Variants in PRDM16 observed in about 807,000 individuals in gnomAD.
PRDM16 encodes the protein PR/SET domain 16.
Under a neutral mutation model 110.6 loss-of-function variants are expected in PRDM16, and 23 were observed. The ratio of observed to expected loss-of-function variants is 0.21; its 90% confidence interval spans 0.15 to 0.29. The LOEUF is 0.29. Among genes scored for constraint, PRDM16 ranks in the 10% least tolerant of loss-of-function variants. PRDM16 has a pLI of 1.00. For missense variants in PRDM16, 1,615 were observed against 1,794.3 expected (o/e 0.90, Z 1.81); for synonymous variants, 799 against 781.8 (o/e 1.02, Z -0.37).
chr1:3,232,415 T>C (rs1639437261), intron 2 of PRDM16, among the ~76,000 whole-genome samples: 1 of 152,236 alleles, frequency 6.6e-6, no homozygotes, highest in Non-Finnish European at 1.5e-5. Flanking sequence ...TTAAATAGGA[T>C]GATGCAGTGA....
At chr1:3,227,218 G>A (rs1179818186) in intron 2 of PRDM16, among the ~76,000 whole-genome samples, 1 of 152,242 alleles carries the variant, frequency 6.6e-6, no homozygotes, top group East Asian at 1.9e-4. Flanking sequence ...GCCCGGCGAG[G>A]ACCTGCAGCT....
At chr1:3,336,625 T>G (rs146369256) in intron 3 of PRDM16, among the ~76,000 whole-genome samples, 35 of 151,638 alleles carry the variant, frequency 2.3e-4, no homozygotes, top group Non-Finnish European at 3.1e-4. Context: ...TGTGAGTGCA[T>G]GCATGCACAT....
chr1:3,295,648 A>G (rs1323580103), intron 3 of PRDM16, among the ~76,000 whole-genome samples: 3 of 152,198 alleles, frequency 2.0e-5, no homozygotes, highest in Non-Finnish European at 4.4e-5. Context: ...CTTGACCGCC[A>G]GGCTCTGAGG....
intron 3 of PRDM16, among the ~76,000 whole-genome samples, chr1:3,366,201 A>G (rs1459119951): frequency 1.3e-5 from 2 of 152,214 alleles, no homozygotes; most frequent in Admixed American, 6.5e-5. Context: ...TCCGGCTGGA[A>G]TGAATTCTTT....
chr1:3,239,835 A>C (rs1639619763), intron 2 of PRDM16, among the ~76,000 whole-genome samples: 1 of 151,844 alleles, frequency 6.6e-6, no homozygotes, highest in African/African-American at 2.4e-5. Context: ...CTCTAATCCT[A>C]GCTATTTGGG....
intron 1 of PRDM16, among the ~76,000 whole-genome samples, chr1:3,114,189 A>G (rs6691894): frequency 0.085 from 7,351 of 86,188 alleles, 197 homozygotes; most frequent in African/African-American, 0.14. Flanking sequence ...ACACACGCAC[A>G]CACGCACACG....
At chr1:3,333,524 G>A (rs1028834368) in intron 3 of PRDM16, among the ~76,000 whole-genome samples, 6 of 152,172 alleles carry the variant, frequency 3.9e-5, no homozygotes, top group Non-Finnish European at 7.3e-5. Context: ...AGAGCAGCAC[G>A]GTGAGGGAGG....
chr1:3,274,594 G>A (rs1640540084), intron 3 of PRDM16, among the ~76,000 whole-genome samples: 1 of 152,220 alleles, frequency 6.6e-6, no homozygotes. Context: ...ACTTTTGATA[G>A]TCAAACAATA....
At chr1:3,257,127 G>A (rs1037656100) in intron 3 of PRDM16, among the ~76,000 whole-genome samples, 5 of 152,228 alleles carry the variant, frequency 3.3e-5, no homozygotes, top group Non-Finnish European at 5.9e-5. Flanking sequence ...GGCGAAGGTA[G>A]TCAATGAACA....
At chr1:3,077,042 G>A (rs1483510192) in intron 1 of PRDM16, among the ~76,000 whole-genome samples, 1 of 152,196 alleles carries the variant, frequency 6.6e-6, no homozygotes, top group Non-Finnish European at 1.5e-5. Context: ...CCCCATTGAA[G>A]TGACCCCCAC....
In PRDM16 at chr1:3,409,105, G is replaced by A. The variant is rs112870823; in HGVS notation, c.1187-2279G>A. On this transcript the variant is annotated intron_variant, in intron 8 of 16. Transcript: ENST00000270722. Reference sequence around the variant, plus strand: ...AGTGTGGGCGCGTGTCTGTGAGTGCGAGTGTGGGCGTGTGAGTTGATGCAT... The same window carrying A: ...AGTGTGGGCGCGTGTCTGTGAGTGCAAGTGTGGGCGTGTGAGTTGATGCAT... 1.4e-3 allele frequency among the ~76,000 whole-genome samples: 214 copies of A among 151,596 alleles called. 2 individuals are homozygous for A. Among genetic ancestry groups the A allele is most frequent in the African/African-American group, 5.0e-3 (206 of 41,304 alleles).
In PRDM16 at chr1:3,411,707, C is replaced by A. The variant is rs1399965437; in HGVS notation, c.1510C>A (p.Pro504Thr). 1.2e-6 allele frequency: 2 copies of A among 1,610,420 alleles called. No individual in the cohort carries two copies. The highest frequency in any genetic ancestry group is 3.3e-5 in the Admixed American group (2 of 59,834). ...GGGGAGCCTGCCCTTCTCCACGGCG[C>A]CTCCCACGTTCCCCGCACTCACCCC... The part of the protein sequence containing the change: ...HPGSLPFSTA[P>T]PTFPALTPGF... Residue 504 changes from proline to threonine, a missense_variant, in exon 9 of 17, where the codon CCT (proline) becomes ACT (threonine). Pro to Thr is a conservative substitution (Grantham distance 38, BLOSUM62 -1). Around this residue, in one of 5 missense-constraint regions of PRDM16, gnomAD observed 772 missense variants for 748.3 expected, o/e 1.03. Transcript: ENST00000270722.
rs1050490514 is a variant in PRDM16, at chr1:3,358,958, C to T, written c.439-26194C>T. ...AGGAATCAGAGGGGGAAAGCACAGCCGCTGTGGCTCATGTTGTCATCTTGG... is the reference window on the plus strand; with the variant it reads ...AGGAATCAGAGGGGGAAAGCACAGCTGCTGTGGCTCATGTTGTCATCTTGG... On this transcript the variant is annotated intron_variant, in intron 3 of 16. Transcript: ENST00000270722. This position sits in a 1 kb window ranked among gnomAD's most constrained non-coding sequence, Gnocchi z 4.0. Among the ~76,000 whole-genome samples the T allele has an allele frequency of 2.0e-5, 3 of 152,212 alleles. No individual in the cohort carries two copies. Among genetic ancestry groups the T allele is most frequent in the Non-Finnish European group, 2.9e-5 (2 of 68,050 alleles).
chr1:3,371,390 C>G (rs1642905703), intron 3 of PRDM16, among the ~76,000 whole-genome samples: 1 of 151,354 alleles, frequency 6.6e-6, no homozygotes, highest in Non-Finnish European at 1.5e-5. Flanking sequence ...ATCCATTCAC[C>G]CACCCATGCA....
At chr1:3,427,118 ACAG>A (rs1222417603) in intron 14 of PRDM16, among the ~76,000 whole-genome samples, 1 of 152,256 alleles carries the variant, frequency 6.6e-6, no homozygotes, top group Non-Finnish European at 1.5e-5. Flanking sequence ...GTCTAGACAC[ACAG>A]CAGCAGAACG....
rs1569694547 is a variant in PRDM16 at position 3,402,991 on chromosome 1, A to C, written c.877A>C (p.Lys293Gln). 2 of 1,602,908 alleles carry C rather than the reference A, an allele frequency of 1.2e-6. No homozygotes were observed. Among genetic ancestry groups the C allele is most frequent in the East Asian group, 4.5e-5 (2 of 44,692 alleles). Residue 293 changes from lysine (K) to glutamine (Q), a missense_variant, in exon 6 of 17, where the codon AAG (lysine) becomes CAG (glutamine). Lys to Gln is a moderately conservative substitution (Grantham distance 53). Coordinates refer to ENST00000270722, the MANE Select transcript of PRDM16 (RefSeq NM_022114.4). ...GGACTGCGAGCGGATGTTCCCCAAC[A>C]AGTACAGGTGCCACGCCCTCCTCTG... ...CKDCERMFPN[K>Q]YSLEQHMVIH...
In PRDM16 at chr1:3,385,204, G is replaced by A. The variant is rs1557645404; in HGVS notation, c.491G>A (p.Gly164Glu). 2 of 1,613,756 alleles carry A rather than the reference G, an allele frequency of 1.2e-6. No individual in the cohort carries two copies. The highest frequency in any genetic ancestry group is 1.7e-5 in the Admixed American group (1 of 60,034). ...TTCTGCGTGGATGCAAATCAGGCGG[G>A]GGCTGGCAGCTGGCTCAAGTACATC... ...EKFCVDANQA[G>E]AGSWLKYIRV... The change falls in exon 4 of 17, where the codon GGG (glycine) becomes GAG (glutamate). Residue 164 changes from glycine (G) to glutamate (E), a missense_variant. Physicochemically the swap from Gly to Glu is moderately conservative, Grantham distance 98. Transcript: ENST00000270722.
intron 2 of PRDM16, among the ~76,000 whole-genome samples, chr1:3,226,288 C>T (rs754627594): frequency 3.9e-5 from 6 of 152,216 alleles, no homozygotes; most frequent in South Asian, 2.1e-4. Context: ...GAGGGGCACA[C>T]GGGGACGTTG....
chr1:3,388,687 G>A lies in PRDM16; in HGVS notation c.573+3401G>A, dbSNP rs150546676. ...GGGGACCCAGGCTGGGGCTTTCCCC[G>A]AGTCTCCTGCTACTGGCAGCCAGGA... is the stretch of plus-strand genomic sequence containing the variant. On this transcript the variant is annotated intron_variant, in intron 4 of 16. Coordinates refer to ENST00000270722, the MANE Select transcript of PRDM16 (RefSeq NM_022114.4). Among the ~76,000 whole-genome samples, 983 of 152,320 alleles carry A rather than the reference G, an allele frequency of 6.5e-3. 16 individuals carry two copies. The highest frequency in any genetic ancestry group is 0.022 in the African/African-American group (923 of 41,558).
Sources: allele counts gnomAD v4.1 joint callset (sites outside exome capture counted in the v4.1 genomes callset), GRCh38; gene constraint gnomAD v4.1.1; regional missense constraint gnomAD v4.1.1; non-coding constraint Gnocchi (gnomAD v3.1); transcripts MANE v1.5; gene names NCBI Gene and HGNC (gene_info 2026-07-23, HGNC 2026-07-21).